Variants in SLC5A11 observed in about 807,000 individuals in gnomAD.
SLC5A11 encodes the protein sodium/myo-inositol cotransporter 2.
In SLC5A11, 48 loss-of-function variants were observed where a neutral mutation model predicts 69.8. That is an observed-to-expected ratio of 0.69 (90% CI 0.55 to 0.87). The LOEUF (loss-of-function observed/expected upper bound fraction) is 0.87, where lower values mean the gene tolerates loss of function less well. Among genes scored for constraint, SLC5A11 ranks in the 40% least tolerant of loss-of-function variants. SLC5A11 has a pLI of 0.00. For missense variants in SLC5A11, 784 were observed against 866.1 expected (o/e 0.91, Z 1.19); for synonymous variants, 319 against 342.4 (o/e 0.93, Z 0.75).
intron 7 of SLC5A11, among the ~76,000 whole-genome samples, chr16:24,878,568 C>T (rs1382928005): frequency 5.9e-5 from 9 of 152,002 alleles, no homozygotes; most frequent in Admixed American, 2.0e-4. Flanking sequence ...TATTATGTAC[C>T]TTGTATCTAT....
intron 1 of SLC5A11, among the ~76,000 whole-genome samples, chr16:24,857,201 G>T (rs970545813): frequency 6.6e-6 from 1 of 152,236 alleles, no homozygotes. Context: ...TTGTGCTGTT[G>T]TTGTCCATGG....
At chr16:24,886,612 G>T (rs1051975473) in intron 8 of SLC5A11, among the ~76,000 whole-genome samples, 1 of 152,164 alleles carries the variant, frequency 6.6e-6, no homozygotes, top group South Asian at 2.1e-4. Context: ...GGTTTGCTGT[G>T]TCTTAGGCAA....
chr16:24,886,905 C>A (rs1380067407), intron 8 of SLC5A11, among the ~76,000 whole-genome samples: 1 of 152,088 alleles, frequency 6.6e-6, no homozygotes, highest in Non-Finnish European at 1.5e-5. Flanking sequence ...GTGCTCGAGG[C>A]TGCAGTGAGC....
At chr16:24,858,585 G>C in intron 1 of SLC5A11, 35 bp from the exon 3 acceptor site, 7 of 1,558,310 alleles carry the variant, frequency 4.5e-6, no homozygotes, top group Non-Finnish European at 6.1e-6. Context: ...ATGATGCTAG[G>C]ATCTGGCATT....
chr16:24,865,418 G>A (rs867564605), intron 3 of SLC5A11, among the ~76,000 whole-genome samples: 7 of 152,126 alleles, frequency 4.6e-5, no homozygotes, highest in East Asian at 1.9e-4. Context: ...TTAGCTGGGC[G>A]TAGTGGTTCA....
At chr16:24,881,819 T>A (rs2048062939) in intron 7 of SLC5A11, among the ~76,000 whole-genome samples, 2 of 146,862 alleles carry the variant, frequency 1.4e-5, no homozygotes, top group African/African-American at 2.4e-5. Flanking sequence ...TGGCACCCCG[T>A]GGCACTGTGC....
At position 24,862,938 on chromosome 16, in the gene SLC5A11, TAA is replaced by T. The variant is rs1288104640; in HGVS notation, c.207+269_207+270del. Among the ~76,000 whole-genome samples the T allele has an allele frequency of 3.5e-5, 5 of 141,290 alleles. No individual in the cohort carries two copies. In the East Asian group the frequency reaches 9.8e-4, roughly 28 times the overall value. The allele number at this position is 141,290 out of a possible 152,430, so 92.7% of individuals were successfully genotyped here. On this transcript the variant is annotated intron_variant, in intron 3 of 15. Coordinates refer to ENST00000347898, the Ensembl canonical transcript of SLC5A11. ...TATATTTATATAAATATATATTATA[TAA>T]AATATATAACATATAATTATATATT... is the stretch of plus-strand genomic sequence containing the variant.
chr16:24,881,776 A>G (rs541852606), intron 7 of SLC5A11, among the ~76,000 whole-genome samples: 8 of 152,240 alleles, frequency 5.3e-5, no homozygotes, highest in Admixed American at 3.9e-4. Flanking sequence ...ATTCCACTCC[A>G]GGGGGTGCCA....
At chr16:24,897,348 G>A (rs955963226) in intron 9 of SLC5A11, among the ~76,000 whole-genome samples, 1 of 152,030 alleles carries the variant, frequency 6.6e-6, no homozygotes, top group Non-Finnish European at 1.5e-5. Context: ...TAGCCAGAGA[G>A]GTGAAATAAT....
chr16:24,880,619 C>G (rs1296354715), intron 7 of SLC5A11, among the ~76,000 whole-genome samples: 1 of 152,148 alleles, frequency 6.6e-6, no homozygotes, highest in East Asian at 1.9e-4. Flanking sequence ...CAGGCATGAG[C>G]CACCGTGCCT....
chr16:24,893,438 G>A (rs991448630), intron 9 of SLC5A11, among the ~76,000 whole-genome samples: 4 of 152,056 alleles, frequency 2.6e-5, no homozygotes, highest in East Asian at 1.9e-4. Flanking sequence ...GGAAAAAGCC[G>A]TTTGTAAAAA....
Position 24,894,724 on chromosome 16 carries a change from C to T in SLC5A11, c.871-3250C>T, listed in dbSNP as rs546259759. ...GCTGAGGCAAGAGAATAGCTGAACC[C>T]GGGAGGCGGAGCTTGCAGTGAACCC... is the stretch of plus-strand genomic sequence containing the variant. On this transcript the variant is annotated intron_variant, in intron 9 of 15. Coordinates refer to ENST00000347898, the Ensembl canonical transcript of SLC5A11. 5.3e-5 allele frequency among the ~76,000 whole-genome samples: 8 copies of T among 151,952 alleles called. No individual in the cohort carries two copies. In the East Asian group the frequency reaches 1.4e-3, roughly 26 times the overall value.
At chr16:24,848,203 G>C (rs891451573) in intron 1 of SLC5A11, among the ~76,000 whole-genome samples, 2 of 152,136 alleles carry the variant, frequency 1.3e-5, no homozygotes, top group Non-Finnish European at 2.9e-5. Context: ...TATGTGGTGG[G>C]GTTGGAAGCA....
chr16:24,850,156 C>A (rs1356897322), intron 1 of SLC5A11, among the ~76,000 whole-genome samples: 1 of 152,088 alleles, frequency 6.6e-6, no homozygotes, highest in Non-Finnish European at 1.5e-5. Context: ...CACTACATTG[C>A]CCAAGCTGGG....
At chr16:24,888,458 A>G (rs2048531001) in intron 8 of SLC5A11, among the ~76,000 whole-genome samples, 1 of 150,270 alleles carries the variant, frequency 6.7e-6, no homozygotes, top group African/African-American at 2.4e-5. Flanking sequence ...GGGTTACTCC[A>G]GTTACTCCAG....
chr16:24,894,711 G>A (rs2049030767), intron 9 of SLC5A11, among the ~76,000 whole-genome samples: 1 of 152,122 alleles, frequency 6.6e-6, no homozygotes, highest in Non-Finnish European at 1.5e-5. Flanking sequence ...TGAGGCAAGA[G>A]AATAGCTGAA....
intron 3 of SLC5A11, among the ~76,000 whole-genome samples, chr16:24,865,788 T>C (rs576355517): frequency 6.6e-6 from 1 of 151,754 alleles, no homozygotes; most frequent in Admixed American, 6.6e-5. Context: ...CAGGCTGAAA[T>C]AAAGACATCA....
At chr16:24,859,432 T>G (rs968311735) in intron 2 of SLC5A11, 1 of 151,376 alleles carries the variant, frequency 6.6e-6, no homozygotes, top group Non-Finnish European at 1.5e-5. Context: ...CCCAACTGTG[T>G]TTTTTTTTAC....
intron 1 of SLC5A11, chr16:24,846,766 C>T (rs1161242991): frequency 6.6e-6 from 1 of 152,228 alleles, no homozygotes; most frequent in African/African-American, 2.4e-5. Flanking sequence ...GAACCTCAGG[C>T]TGACCCACCC....
Sources: allele counts gnomAD v4.1 joint callset (sites outside exome capture counted in the v4.1 genomes callset), GRCh38; gene constraint gnomAD v4.1.1; transcripts MANE v1.5; gene names NCBI Gene and HGNC (gene_info 2026-07-23, HGNC 2026-07-21).